UBAP1: variants seen among roughly 807,000 people sequenced by gnomAD.
The protein encoded by UBAP1 is ubiquitin-associated protein 1.
A neutral mutation model predicts 39.0 loss-of-function variants in UBAP1; 5 were observed. The observed-to-expected ratio is 0.13, with a 90% confidence interval of 0.07 to 0.27. The LOEUF is 0.27. Ranked by LOEUF, UBAP1 falls within the 10% of genes least tolerant of loss-of-function variation. The pLI, the probability that UBAP1 is intolerant of heterozygous loss-of-function variation, is 1.00. For synonymous variants in UBAP1, 211 were observed against 225.1 expected, an observed-to-expected ratio of 0.94 and a Z score of 0.56; for missense variants, 490 against 608.1, an observed-to-expected ratio of 0.81 and a Z score of 2.04.
At chr9:34,244,457 C>T (rs1468193421) in intron 4 of UBAP1, among the ~76,000 whole-genome samples, 1 of 87,350 alleles carries the variant, frequency 1.1e-5, no homozygotes, top group Non-Finnish European at 2.3e-5. Flanking sequence ...AGTTCTTTCA[C>T]TTTACTCTTT....
In UBAP1 at chr9:34,224,419, C is replaced by T. The variant is rs149956722; in HGVS notation, c.34+3471C>T. ...GATGATCCTTGTTTTGCAAATACAACGCTGAGCCCCAGGAGAAATTCCCTA... is the reference window on the plus strand; with the variant it reads ...GATGATCCTTGTTTTGCAAATACAATGCTGAGCCCCAGGAGAAATTCCCTA... On this transcript the variant is annotated intron_variant, in intron 2 of 6. Coordinates refer to ENST00000297661, the MANE Select transcript of UBAP1 (RefSeq NM_016525.5). 2.9e-3 allele frequency: 1,158 copies of T among 404,088 alleles called. 8 individuals are homozygous for T. The highest frequency in any genetic ancestry group is 3.9e-3 in the Non-Finnish European group (831 of 213,292). The allele number at this position is 404,088 out of a possible 1,614,324, so 25.0% of individuals were successfully genotyped here.
chr9:34,249,124 T>C (rs1036000023), intron 4 of UBAP1, among the ~76,000 whole-genome samples: 1 of 152,156 alleles, frequency 6.6e-6, no homozygotes, highest in African/African-American at 2.4e-5. Context: ...CAGCCTGGTG[T>C]GGCTAGTATG....
intron 2 of UBAP1, among the ~76,000 whole-genome samples, chr9:34,233,302 A>G (rs1321660724): frequency 6.7e-6 from 1 of 149,218 alleles, no homozygotes; most frequent in Admixed American, 6.7e-5. Context: ...GCTGACTGCA[A>G]CCTCCGTCTC....
At chr9:34,192,515 CAAAAAAAAAA>C (rs4008753) in intron 1 of UBAP1, among the ~76,000 whole-genome samples, 1 of 107,502 alleles carries the variant, frequency 9.3e-6, no homozygotes. Flanking sequence ...GACTCCATCT[CAAAAAAAAAA>C]AAAAAAAAAA....
chr9:34,219,379 C>T (rs990865213), intron 1 of UBAP1, among the ~76,000 whole-genome samples: 9 of 152,084 alleles, frequency 5.9e-5, no homozygotes, highest in Non-Finnish European at 7.4e-5. Context: ...TAAGTCACCA[C>T]GCCTGGCTGA....
At chr9:34,220,296 C>T (rs1832691511) in intron 1 of UBAP1, 2 of 145,552 alleles carry the variant, frequency 1.4e-5, no homozygotes, top group Admixed American at 7.0e-5. Context: ...GGACAATAGG[C>T]ATGCGTCACC....
intron 4 of UBAP1, among the ~76,000 whole-genome samples, 184 bp from the exon 5 acceptor site, chr9:34,249,595 C>T (rs546244361): frequency 6.6e-6 from 1 of 152,302 alleles, no homozygotes; most frequent in South Asian, 2.1e-4. Context: ...TCAGCTGGCA[C>T]TCCCCTACCC....
intron 1 of UBAP1, among the ~76,000 whole-genome samples, chr9:34,213,105 G>A (rs1325464676): frequency 6.6e-6 from 1 of 152,128 alleles, no homozygotes; most frequent in African/African-American, 2.4e-5. Context: ...AAAGTCACAT[G>A]ATCATCTCAA....
chr9:34,224,196 T>G lies in UBAP1; in HGVS notation c.34+3248T>G, dbSNP rs564200488. Reference sequence around the variant, plus strand: ...TTCTGAAATTTTTTAGATCATTTTTTGTTTAAAATCTCTTCTTCCTCAGGA... The same window carrying G: ...TTCTGAAATTTTTTAGATCATTTTTGGTTTAAAATCTCTTCTTCCTCAGGA... On this transcript the variant is annotated intron_variant, in intron 2 of 6. Coordinates refer to ENST00000297661, the MANE Select transcript of UBAP1 (RefSeq NM_016525.5). The G allele has an allele frequency of 5.3e-5, 29 of 549,600 alleles. No homozygotes were observed. In the South Asian group the frequency reaches 7.7e-4, roughly 15 times the overall value. 34.0% of individuals were successfully genotyped at this position (549,600 alleles called of 1,614,324 possible). A position where few individuals can be genotyped will look rare whatever the true frequency, so the allele number is the denominator to read the frequency against.
intron 1 of UBAP1, among the ~76,000 whole-genome samples, chr9:34,192,773 A>G (rs1352551502): frequency 6.6e-6 from 1 of 151,952 alleles, no homozygotes; most frequent in Non-Finnish European, 1.5e-5. Flanking sequence ...GTTCATAATG[A>G]TATTTATTAT....
At chr9:34,187,998 A>G (rs537087381) in intron 1 of UBAP1, among the ~76,000 whole-genome samples, 138 of 152,032 alleles carry the variant, frequency 9.1e-4, no homozygotes, top group African/African-American at 3.0e-3. Context: ...CTTTTTTTCA[A>G]TGAGAAGACT....
chr9:34,226,452 G>A (rs1003477051), intron 2 of UBAP1, among the ~76,000 whole-genome samples: 23 of 152,244 alleles, frequency 1.5e-4, no homozygotes, highest in African/African-American at 5.3e-4. Context: ...GGCCAGGCTG[G>A]TTTTGAACTC....
chr9:34,185,132 C>T (rs1468829042), intron 1 of UBAP1, among the ~76,000 whole-genome samples: 2 of 151,922 alleles, frequency 1.3e-5, no homozygotes, highest in East Asian at 3.9e-4. Flanking sequence ...TGGTGTTTCA[C>T]CTTATTCACC....
chr9:34,189,212 A>C (rs923951186), intron 1 of UBAP1, among the ~76,000 whole-genome samples: 17 of 149,466 alleles, frequency 1.1e-4, no homozygotes, highest in Admixed American at 1.0e-3. Flanking sequence ...TTTTAAAGAC[A>C]GAGTCTTGCT....
chr9:34,197,040 G>A (rs961282228), intron 1 of UBAP1, among the ~76,000 whole-genome samples: 5 of 151,416 alleles, frequency 3.3e-5, no homozygotes, highest in African/African-American at 1.2e-4. Context: ...TGATTCTCCC[G>A]CCTCAGCCTC....
chr9:34,207,044 A>AT (rs1831735948), intron 1 of UBAP1, among the ~76,000 whole-genome samples: 7 of 49,102 alleles, frequency 1.4e-4, no homozygotes, highest in Admixed American at 4.8e-4. Flanking sequence ...CTTAATTGTT[A>AT]TTTCTTTTTT....
intron 3 of UBAP1, among the ~76,000 whole-genome samples, chr9:34,238,909 T>C (rs1017409342): frequency 2.6e-5 from 4 of 152,218 alleles, no homozygotes; most frequent in Non-Finnish European, 5.9e-5. Context: ...AATTTCCCAT[T>C]TGGTCAGTCT....
intron 1 of UBAP1, among the ~76,000 whole-genome samples, chr9:34,212,299 C>T (rs926168622): frequency 6.6e-6 from 1 of 151,460 alleles, no homozygotes; most frequent in African/African-American, 2.4e-5. Context: ...TACCTGTAAT[C>T]CTAGCACTTT....
At chr9:34,214,165 A>G (rs556546610) in intron 1 of UBAP1, among the ~76,000 whole-genome samples, 1 of 152,292 alleles carries the variant, frequency 6.6e-6, no homozygotes, top group East Asian at 1.9e-4. Context: ...AATTAGAAAC[A>G]ACATTTCTAA....
Sources: gnomAD v4.1 joint callset for allele counts (sites outside exome capture counted in the v4.1 genomes callset) on GRCh38, gnomAD v4.1.1 for gene constraint, MANE v1.5 for transcripts, NCBI Gene and HGNC (gene_info 2026-07-23, HGNC 2026-07-21) for gene names.